Variants in CLIC4 observed in about 807,000 individuals in gnomAD.
CLIC4 encodes chloride intracellular channel protein 4.
In CLIC4, 13 loss-of-function variants were observed where a neutral mutation model predicts 24.6. The ratio of observed to expected loss-of-function variants is 0.53; its 90% CI spans 0.34 to 0.84. The LOEUF is 0.84. Ranked by LOEUF, CLIC4 falls within the 40% of genes least tolerant of loss-of-function variation. The pLI, the probability that CLIC4 is intolerant of heterozygous loss-of-function variation, is 0.01. For missense variants in CLIC4, 227 were observed against 301.7 expected (o/e 0.75, Z 1.83); for synonymous variants, 104 against 111.3 (o/e 0.93, Z 0.41).
intron 1 of CLIC4, among the ~76,000 whole-genome samples, chr1:24,758,112 TA>T (rs1357436356): frequency 6.6e-6 from 1 of 152,188 alleles, no homozygotes; most frequent in Non-Finnish European, 1.5e-5. Flanking sequence ...TTTGAAAAGG[TA>T]ATGTCATTTC....
At chr1:24,826,412 G>T (rs983522224) in intron 3 of CLIC4, among the ~76,000 whole-genome samples, 1 of 152,178 alleles carries the variant, frequency 6.6e-6, no homozygotes, top group South Asian at 2.1e-4. Context: ...TTTTCCTGCC[G>T]TTGGGGTTCT....
intron 2 of CLIC4, among the ~76,000 whole-genome samples, chr1:24,804,069 C>G (rs1203519557): frequency 6.6e-6 from 1 of 152,118 alleles, no homozygotes; most frequent in Non-Finnish European, 1.5e-5. Context: ...GTGGTTCCAC[C>G]TTTCTGAAAA....
chr1:24,829,392 A>G (rs1639818097), intron 4 of CLIC4, among the ~76,000 whole-genome samples: 1 of 152,236 alleles, frequency 6.6e-6, no homozygotes, highest in Admixed American at 6.5e-5. Context: ...GATGATAGAT[A>G]GATAACACAT....
intron 4 of CLIC4, among the ~76,000 whole-genome samples, chr1:24,829,957 G>C (rs1048673675): frequency 1.3e-5 from 2 of 152,084 alleles, no homozygotes; most frequent in Admixed American, 6.5e-5. Context: ...TTTGTATAAG[G>C]TTACCCTTTA....
At position 24,843,786 on chromosome 1, in the gene CLIC4, T is replaced by C. The variant is rs1639966732; in HGVS notation, c.*2849T>C. On this transcript the variant is annotated 3_prime_UTR_variant, in exon 6 of 6. Coordinates refer to ENST00000374379, the MANE Select transcript of CLIC4 (RefSeq NM_013943.3). ...TCTAGGATTTAGGCATGTTAACTTCTGTTGTGTTTTGAATCTCTCCAGAGT... is the reference window on the plus strand; with the variant it reads ...TCTAGGATTTAGGCATGTTAACTTCCGTTGTGTTTTGAATCTCTCCAGAGT... 6.6e-6 allele frequency: 1 copy of C among 152,662 alleles called. No individual in the cohort carries two copies. The highest frequency in any genetic ancestry group is 1.9e-4 in the East Asian group (1 of 5,204). 9.5% of individuals were successfully genotyped at this position (152,662 alleles called of 1,614,324 possible). A position where few individuals can be genotyped will look rare whatever the true frequency, so the allele number is the denominator to read the frequency against.
At chr1:24,820,654 T>C (rs1639720780) in intron 3 of CLIC4, among the ~76,000 whole-genome samples, 1 of 152,204 alleles carries the variant, frequency 6.6e-6, no homozygotes, top group Non-Finnish European at 1.5e-5. Context: ...CTTCCTCTCA[T>C]GTCACTGTAG....
rs894279250 is a variant in CLIC4, at chr1:24,826,921, G to T, written c.309-89G>T. ...CTTATAGTAATAACTATTAAAAGACGTCTAGTAACTGCTAGCATGGTGGTT... is the reference window on the plus strand; with the variant it reads ...CTTATAGTAATAACTATTAAAAGACTTCTAGTAACTGCTAGCATGGTGGTT... On this transcript the variant is annotated intron_variant, in intron 3 of 5. Coordinates refer to ENST00000374379, the MANE Select transcript of CLIC4 (RefSeq NM_013943.3). The T allele has an allele frequency of 5.0e-6, 4 of 795,168 alleles. No individual in the cohort carries two copies. The African/African-American group carries it at 7.0e-5, about 14-fold the overall frequency. The allele number at this position is 795,168 out of a possible 1,614,324, so 49.3% of individuals were successfully genotyped here.
At chr1:24,782,835 C>T (rs1639221049) in intron 1 of CLIC4, among the ~76,000 whole-genome samples, 1 of 151,936 alleles carries the variant, frequency 6.6e-6, no homozygotes, top group Non-Finnish European at 1.5e-5. Flanking sequence ...AAAAATTAGC[C>T]AGGCATAGTG....
intron 1 of CLIC4, among the ~76,000 whole-genome samples, chr1:24,770,955 GAATA>G (rs933578211): frequency 3.9e-5 from 6 of 152,120 alleles, no homozygotes; most frequent in Admixed American, 3.3e-4. Flanking sequence ...CGGAATGATG[GAATA>G]AATCTGCTTC....
At chr1:24,810,074 A>C (rs1269801656) in intron 2 of CLIC4, among the ~76,000 whole-genome samples, 1 of 152,192 alleles carries the variant, frequency 6.6e-6, no homozygotes, top group African/African-American at 2.4e-5. Context: ...AAATGTTTTA[A>C]AGTAAATGCT....
intron 3 of CLIC4, among the ~76,000 whole-genome samples, chr1:24,822,497 C>T (rs113498120): frequency 0.02 from 3,049 of 151,882 alleles, 95 homozygotes; most frequent in African/African-American, 0.07. Flanking sequence ...TACAGATGTG[C>T]ACCACCACGC....
intron 3 of CLIC4, among the ~76,000 whole-genome samples, chr1:24,826,789 G>C (rs1278111350): frequency 2.6e-5 from 4 of 152,206 alleles, no homozygotes; most frequent in Non-Finnish European, 1.5e-5. Context: ...CACATGCCCT[G>C]TGGTTGCCAA....
intron 4 of CLIC4, among the ~76,000 whole-genome samples, chr1:24,839,466 A>G (rs1169072330): frequency 6.6e-6 from 1 of 151,702 alleles, no homozygotes; most frequent in Non-Finnish European, 1.5e-5. Context: ...CGCCCGGCTA[A>G]TTTTTTGTAT....
chr1:24,808,795 G>A (rs944275886), intron 2 of CLIC4, among the ~76,000 whole-genome samples: 1 of 151,290 alleles, frequency 6.6e-6, no homozygotes, highest in African/African-American at 2.4e-5. Context: ...TCCTGCCTTA[G>A]CCTCCCAAGT....
intron 1 of CLIC4, among the ~76,000 whole-genome samples, chr1:24,768,903 C>CAAAAA (rs71032856): frequency 4.7e-5 from 5 of 107,292 alleles, no homozygotes; most frequent in Non-Finnish European, 5.7e-5. Context: ...TCTGCCTCAC[C>CAAAAA]AAAAAAAAAA....
At chr1:24,791,890 A>G (rs1017862308) in intron 1 of CLIC4, among the ~76,000 whole-genome samples, 14 of 151,160 alleles carry the variant, frequency 9.3e-5, no homozygotes, top group Admixed American at 2.6e-4. Context: ...AAAATAAATA[A>G]ATAAATAAAT....
chr1:24,768,358 C>G (rs1168527992), intron 1 of CLIC4, among the ~76,000 whole-genome samples: 2 of 152,056 alleles, frequency 1.3e-5, no homozygotes, highest in Admixed American at 6.6e-5. Context: ...TATTAACTAG[C>G]CTTTATCTAA....
At chr1:24,773,652 A>C (rs1369886944) in intron 1 of CLIC4, among the ~76,000 whole-genome samples, 1 of 129,326 alleles carries the variant, frequency 7.7e-6, no homozygotes, top group Non-Finnish European at 1.5e-5. Flanking sequence ...GCTAGAGTGC[A>C]GTGGTAAGAT....
intron 1 of CLIC4, among the ~76,000 whole-genome samples, chr1:24,791,177 C>T (rs931020755): frequency 8.6e-5 from 13 of 152,016 alleles, no homozygotes; most frequent in African/African-American, 2.9e-4. Flanking sequence ...TTTTTAAAGG[C>T]ATACTTTTCT....
Sources: allele counts gnomAD v4.1 joint callset (sites outside exome capture counted in the v4.1 genomes callset), GRCh38; gene constraint gnomAD v4.1.1; transcripts MANE v1.5; gene names NCBI Gene and HGNC (gene_info 2026-07-23, HGNC 2026-07-21).